RGS6: variants seen among roughly 807,000 people sequenced by gnomAD.
RGS6 encodes regulator of G protein signaling 6.
A neutral mutation model predicts 78.5 loss-of-function variants in RGS6; 30 were observed. That is an observed-to-expected ratio of 0.38 (90% confidence interval 0.29 to 0.52). The LOEUF is 0.52. Ranked by LOEUF, RGS6 falls within the 20% of genes least tolerant of loss-of-function variation. RGS6 has a pLI of 0.85. For synonymous variants in RGS6, 206 were observed against 206.0 expected, an observed-to-expected ratio of 1.00 and a Z score of 0.00; for missense variants, 495 against 609.7, an observed-to-expected ratio of 0.81 and a Z score of 1.98.
At chr14:72,390,058 A>C (rs1274245448) in intron 3 of RGS6, among the ~76,000 whole-genome samples, 1 of 152,000 alleles carries the variant, frequency 6.6e-6, no homozygotes, top group Non-Finnish European at 1.5e-5. Context: ...ATGAATACCA[A>C]ATAAAACAGA....
chr14:72,166,980 G>T (rs1473839359), intron 2 of RGS6, among the ~76,000 whole-genome samples: 1 of 152,066 alleles, frequency 6.6e-6, no homozygotes. Flanking sequence ...TAAATATTGG[G>T]CACTATTTTC....
intron 2 of RGS6, among the ~76,000 whole-genome samples, chr14:72,018,352 T>A (rs535527346): frequency 2.4e-4 from 37 of 152,198 alleles, no homozygotes; most frequent in Non-Finnish European, 3.4e-4. Context: ...TCCGCCCCTT[T>A]GATGTGCTTT....
At chr14:71,980,267 AGTTAATATTGTTAT>A (rs1377905922) in intron 2 of RGS6, among the ~76,000 whole-genome samples, 3 of 102,366 alleles carry the variant, frequency 2.9e-5, no homozygotes, top group African/African-American at 1.2e-4. Flanking sequence ...TTACATTTAA[AGTTAATATTGTTAT>A]GTGTGAATTT....
the RGS6 span, among the ~76,000 whole-genome samples, chr14:72,572,344 A>G: frequency 6.6e-6 from 1 of 152,222 alleles, no homozygotes; most frequent in Non-Finnish European, 1.5e-5. Flanking sequence ...ATTTGAACAC[A>G]AGTGTTCATA....
intron 2 of RGS6, among the ~76,000 whole-genome samples, chr14:72,200,845 C>A (rs1243613750): frequency 1.3e-5 from 2 of 151,526 alleles, no homozygotes; most frequent in African/African-American, 4.9e-5. Context: ...GGATACTTGA[C>A]TGGAGAGGGC....
chr14:72,139,111 T>C (rs2096496666), intron 2 of RGS6, among the ~76,000 whole-genome samples: 1 of 152,154 alleles, frequency 6.6e-6, no homozygotes, highest in African/African-American at 2.4e-5. Context: ...AATGCCTTCA[T>C]TCTGGATTTT....
chr14:72,338,312 G>A (rs1464911776), intron 2 of RGS6, among the ~76,000 whole-genome samples: 3 of 152,222 alleles, frequency 2.0e-5, no homozygotes, highest in Admixed American at 6.5e-5. Context: ...GGCAGAAGGC[G>A]AAAGGCACAT....
At chr14:72,193,449 G>A (rs939638359) in intron 2 of RGS6, among the ~76,000 whole-genome samples, 2 of 152,174 alleles carry the variant, frequency 1.3e-5, no homozygotes, top group African/African-American at 4.8e-5. Flanking sequence ...CTCAGGAATC[G>A]GCTTCCATTC....
chr14:71,958,447 A>C (rs1000014136), intron 1 of RGS6, among the ~76,000 whole-genome samples: 3 of 152,224 alleles, frequency 2.0e-5, no homozygotes, highest in Admixed American at 6.5e-5. Flanking sequence ...TCTAATCAGC[A>C]GGCCGGGCTG....
chr14:72,142,066 A>G (rs2096547713), intron 2 of RGS6, among the ~76,000 whole-genome samples: 1 of 152,152 alleles, frequency 6.6e-6, no homozygotes, highest in Non-Finnish European at 1.5e-5. Flanking sequence ...CTGAGAGAGA[A>G]AAGTGGTATA....
intron 2 of RGS6, among the ~76,000 whole-genome samples, chr14:72,020,432 T>G (rs2088154584): frequency 6.6e-6 from 1 of 152,236 alleles, no homozygotes. Flanking sequence ...TGCTGTTTCC[T>G]GCATTAGTAC....
chr14:72,258,232 C>A (rs2057455794), intron 2 of RGS6, among the ~76,000 whole-genome samples: 1 of 152,176 alleles, frequency 6.6e-6, no homozygotes, highest in Non-Finnish European at 1.5e-5. Flanking sequence ...TGGTATACAC[C>A]ACTATACACC....
chr14:72,286,994 G>C (rs949963707), intron 2 of RGS6, among the ~76,000 whole-genome samples: 30 of 152,182 alleles, frequency 2.0e-4, no homozygotes, highest in African/African-American at 7.0e-4. Flanking sequence ...ATGTTGGCCA[G>C]GCTGGTCTCA....
At chr14:72,317,979 T>G (rs917985186) in intron 2 of RGS6, among the ~76,000 whole-genome samples, 6 of 152,164 alleles carry the variant, frequency 3.9e-5, no homozygotes, top group Non-Finnish European at 8.8e-5. Flanking sequence ...TTACAATAGT[T>G]TTTGCTCAAA....
In RGS6 at chr14:72,382,656, T is replaced by C. The variant is rs111467074; in HGVS notation, c.184+30462T>C. On this transcript the variant is annotated intron_variant, in intron 3 of 17. Coordinates refer to ENST00000553525, the MANE Select transcript of RGS6 (RefSeq NM_001204424.2). ...GAAGACACTCATCTTAGCAGCATTG[T>C]TCGTAGCAGCAAAATTCTGGAATAA... 2.4e-3 allele frequency among the ~76,000 whole-genome samples: 372 copies of C among 152,308 alleles called. 2 individuals are homozygous for C. Among genetic ancestry groups the C allele is most frequent in the African/African-American group, 8.6e-3 (359 of 41,578 alleles).
chr14:71,969,035 T>C (rs930097947), intron 2 of RGS6, among the ~76,000 whole-genome samples: 18 of 152,198 alleles, frequency 1.2e-4, no homozygotes, highest in African/African-American at 4.1e-4. Context: ...CCAAGTGTTC[T>C]CATTGTTCAA....
intron 2 of RGS6, among the ~76,000 whole-genome samples, chr14:72,018,518 G>A (rs2087607867): frequency 6.6e-6 from 1 of 152,208 alleles, no homozygotes; most frequent in Non-Finnish European, 1.5e-5. Flanking sequence ...GGACCATATA[G>A]GAAGCCTAAA....
intron 2 of RGS6, among the ~76,000 whole-genome samples, chr14:71,975,543 C>T (rs532680372): frequency 1.3e-5 from 2 of 152,128 alleles, no homozygotes; most frequent in South Asian, 4.1e-4. Context: ...ACTGCAGCTG[C>T]CACCTCCTGG....
chr14:72,326,439 G>C (rs1428338258), intron 2 of RGS6, among the ~76,000 whole-genome samples: 2 of 152,100 alleles, frequency 1.3e-5, no homozygotes, highest in African/African-American at 4.8e-5. Flanking sequence ...TGGGTCATGG[G>C]GGCAGACCCC....
Sources: allele counts gnomAD v4.1 joint callset (sites outside exome capture counted in the v4.1 genomes callset), GRCh38; gene constraint gnomAD v4.1.1; transcripts MANE v1.5; gene names NCBI Gene and HGNC (gene_info 2026-07-23, HGNC 2026-07-21).